Variants in RSPO2 observed in about 807,000 individuals in gnomAD.
RSPO2 encodes the protein R-spondin 2, also known as R-spondin-2.
RSPO2 carries 14 observed loss-of-function variants against 30.9 expected under a neutral mutation model. That is an observed-to-expected ratio of 0.45 (90% CI 0.30 to 0.71). The LOEUF (loss-of-function observed/expected upper bound fraction) is 0.71. Among genes scored for constraint, RSPO2 ranks in the 30% least tolerant of loss-of-function variants. The pLI, the probability that RSPO2 is intolerant of heterozygous loss-of-function variation, is 0.08. For synonymous variants in RSPO2, 107 were observed against 96.4 expected, an observed-to-expected ratio of 1.11 and a Z score of -0.64; for missense variants, 264 against 301.9, an observed-to-expected ratio of 0.87 and a Z score of 0.93.
At chr8:108,074,450 G>T (rs1029314266) in intron 2 of RSPO2, among the ~76,000 whole-genome samples, 3 of 152,040 alleles carry the variant, frequency 2.0e-5, no homozygotes, top group African/African-American at 7.2e-5. Flanking sequence ...ATTTGTTCTG[G>T]CTATACTAGA....
intron 2 of RSPO2, among the ~76,000 whole-genome samples, chr8:108,063,716 G>A (rs945609535): frequency 6.6e-6 from 1 of 151,872 alleles, no homozygotes. Flanking sequence ...AGCCCGCATT[G>A]CCAAGTCAAT....
chr8:108,073,883 A>G (rs1424838762), intron 2 of RSPO2, among the ~76,000 whole-genome samples: 2 of 152,198 alleles, frequency 1.3e-5, no homozygotes, highest in Non-Finnish European at 2.9e-5. Context: ...AACTTTTAGA[A>G]AACAATTATG....
chr8:108,064,195 A>G (rs546545877), intron 2 of RSPO2, among the ~76,000 whole-genome samples: 1 of 152,208 alleles, frequency 6.6e-6, no homozygotes, highest in Non-Finnish European at 1.5e-5. Flanking sequence ...TAATTAAACT[A>G]AAGAGCTTCT....
intron 2 of RSPO2, among the ~76,000 whole-genome samples, chr8:108,079,226 C>T (rs930418804): frequency 6.6e-6 from 1 of 152,096 alleles, no homozygotes; most frequent in Non-Finnish European, 1.5e-5. Context: ...AAAATGTTGG[C>T]ATGTGTCTCC....
chr8:108,022,752 G>A (rs548900520), intron 2 of RSPO2, among the ~76,000 whole-genome samples: 3 of 151,822 alleles, frequency 2.0e-5, no homozygotes, highest in South Asian at 4.2e-4. Context: ...ATGGAGAAAC[G>A]CCATCTCTAC....
chr8:108,047,653 C>G (rs901025881), intron 2 of RSPO2, among the ~76,000 whole-genome samples: 12 of 151,940 alleles, frequency 7.9e-5, no homozygotes, highest in Non-Finnish European at 5.9e-5. Flanking sequence ...TTCGAGACCA[C>G]CCTGACCAAC....
chr8:108,041,098 A>C (rs1811738101), intron 2 of RSPO2, among the ~76,000 whole-genome samples: 1 of 151,698 alleles, frequency 6.6e-6, no homozygotes. Flanking sequence ...GCTTGTCTAG[A>C]GAGATTTGAA....
intron 2 of RSPO2, among the ~76,000 whole-genome samples, chr8:108,068,194 T>C (rs1305230123): frequency 6.6e-6 from 1 of 152,146 alleles, no homozygotes; most frequent in Non-Finnish European, 1.5e-5. Context: ...TAATAAGTAA[T>C]AAAGAGGTGA....
chr8:108,062,628 T>G (rs1812507580), intron 2 of RSPO2, among the ~76,000 whole-genome samples: 1 of 151,864 alleles, frequency 6.6e-6, no homozygotes, highest in Non-Finnish European at 1.5e-5. Flanking sequence ...GTACCATTCC[T>G]TCTGAAACTA....
intron 3 of RSPO2, among the ~76,000 whole-genome samples, chr8:107,978,738 C>G (rs865780330): frequency 6.6e-6 from 1 of 152,106 alleles, no homozygotes; most frequent in East Asian, 1.9e-4. Context: ...TCAGAGTGAA[C>G]AGGCAACCTA....
intron 2 of RSPO2, among the ~76,000 whole-genome samples, chr8:108,053,751 AC>A (rs1051536585): frequency 6.6e-6 from 1 of 152,192 alleles, no homozygotes; most frequent in Non-Finnish European, 1.5e-5. Flanking sequence ...ACAATTCTAT[AC>A]TTTTGGTGTG....
chr8:108,030,413 T>C (rs959114438), intron 2 of RSPO2, among the ~76,000 whole-genome samples: 2 of 152,178 alleles, frequency 1.3e-5, no homozygotes, highest in African/African-American at 4.8e-5. Context: ...ATCTGTAATG[T>C]ATAAGCAGTG....
chr8:107,957,974 G>T, intron 5 of RSPO2, 106 bp downstream of exon 5: 1 of 746,122 alleles, frequency 1.3e-6, no homozygotes, highest in Non-Finnish European at 2.2e-6. Flanking sequence ...CAATATTATT[G>T]GGTTTCCTTC....
chr8:108,081,870 T>C (rs995365911), intron 2 of RSPO2: 2 of 983,354 alleles, frequency 2.0e-6, no homozygotes, highest in Admixed American at 1.2e-4. Context: ...AACAAACCTC[T>C]GGAGGCGAGG....
chr8:108,062,808 C>G (rs1033511967), intron 2 of RSPO2, among the ~76,000 whole-genome samples: 5 of 151,786 alleles, frequency 3.3e-5, no homozygotes, highest in Non-Finnish European at 7.4e-5. Context: ...CTGAATCCAG[C>G]AGCACATCAA....
At chr8:107,920,781 T>G (rs1812139346) in intron 5 of RSPO2, among the ~76,000 whole-genome samples, 1 of 152,122 alleles carries the variant, frequency 6.6e-6, no homozygotes, top group Admixed American at 6.6e-5. Context: ...AATGCCACTA[T>G]GGGAATTTTC....
At chr8:108,032,164 G>T (rs889934750) in intron 2 of RSPO2, among the ~76,000 whole-genome samples, 2 of 151,906 alleles carry the variant, frequency 1.3e-5, no homozygotes, top group Admixed American at 6.6e-5. Context: ...TTTTAAAAAA[G>T]AAAAATAATA....
At chr8:107,969,914 A>T (rs1813937667) in intron 3 of RSPO2, among the ~76,000 whole-genome samples, 1 of 152,148 alleles carries the variant, frequency 6.6e-6, no homozygotes, top group African/African-American at 2.4e-5. Flanking sequence ...TCAGCTTCAG[A>T]CCTGCATCTT....
intron 2 of RSPO2, among the ~76,000 whole-genome samples, chr8:108,037,782 G>A (rs1407992532): frequency 2.0e-5 from 3 of 152,128 alleles, no homozygotes; most frequent in African/African-American, 2.4e-5. Context: ...TACTCTGCCT[G>A]TGCTCTATAA....
Sources: allele counts gnomAD v4.1 joint callset (sites outside exome capture counted in the v4.1 genomes callset), GRCh38; gene constraint gnomAD v4.1.1; transcripts MANE v1.5; gene names NCBI Gene and HGNC (gene_info 2026-07-23, HGNC 2026-07-21).